ITGA1: variants seen among roughly 807,000 people sequenced by gnomAD.
ITGA1 encodes the protein integrin alpha-1.
ITGA1 carries 85 observed loss-of-function variants against 145.9 expected under a neutral mutation model. The ratio of observed to expected loss-of-function variants is 0.58; its 90% CI spans 0.49 to 0.70. The LOEUF (loss-of-function observed/expected upper bound fraction) is 0.70, where lower values mean the gene tolerates loss of function less well. Among genes scored for constraint, ITGA1 ranks in the 30% least tolerant of loss-of-function variants. The pLI is 0.00. For missense variants in ITGA1, 1,351 were observed against 1,418.7 expected, an observed-to-expected ratio of 0.95 and a Z score of 0.77; for synonymous variants, 520 against 495.3, an observed-to-expected ratio of 1.05 and a Z score of -0.66.
intron 12 of ITGA1, among the ~76,000 whole-genome samples, chr5:52,907,303 G>T (rs1750425641): frequency 6.6e-6 from 1 of 152,126 alleles, no homozygotes; most frequent in Non-Finnish European, 1.5e-5. Context: ...GGAGGTAAGA[G>T]AACGTAAAAT....
intron 3 of ITGA1, 75 bp from the exon 4 acceptor site, chr5:52,864,688 T>C (rs1243860934): frequency 1.2e-5 from 10 of 837,010 alleles, no homozygotes; most frequent in South Asian, 9.6e-5. Flanking sequence ...ACAAATAGAA[T>C]GTCTTAATGA....
chr5:52,861,507 G>C lies in ITGA1; in HGVS notation c.243G>C (p.Lys81Asn). 19 of 1,613,884 alleles carry C rather than the reference G, an allele frequency of 1.2e-5. No homozygotes were observed. Among genetic ancestry groups the C allele is most frequent in the Non-Finnish European group, 1.6e-5 (19 of 1,179,840 alleles). ...AAAACAGAACTGGAGATGTCTATAA[G>C]TGTCCAGTTGGGAGAGGTGAATCAT... Reference protein sequence around the residue: ...QPKNRTGDVYKCPVGRGESLP... With the variant: ...QPKNRTGDVYNCPVGRGESLP... Residue 81 changes from lysine (K) to asparagine (N), a missense_variant, in exon 3 of 29, where the codon AAG becomes AAC. Physicochemically the swap from Lys to Asn is moderately conservative, Grantham distance 94. Transcript: ENST00000282588.
intron 10 of ITGA1, 99 bp from the exon 11 acceptor site, chr5:52,898,140 C>T (rs1750258434): frequency 1.5e-6 from 1 of 661,870 alleles, no homozygotes; most frequent in South Asian, 4.9e-5. Context: ...AAATGTAAAG[C>T]ACTTTGAACA....
At position 52,805,730 on chromosome 5, in the gene ITGA1, G is replaced by A. The variant is rs556842253; in HGVS notation, c.61+17316G>A. 4.1e-4 allele frequency among the ~76,000 whole-genome samples: 62 copies of A among 152,030 alleles called. 1 individual carries two copies. Among genetic ancestry groups the A allele is most frequent in the African/African-American group, 1.4e-3 (56 of 41,480 alleles). On this transcript the variant is annotated intron_variant, in intron 1 of 28. Coordinates refer to ENST00000282588, the MANE Select transcript of ITGA1 (RefSeq NM_181501.2). ...TTCAGGCCAATCAGTTACTGCTAGC[G>A]GACCCCATGGCCTTGTGCTCCCCAT... is the stretch of plus-strand genomic sequence containing the variant.
chr5:52,801,367 C>G, intron 1 of ITGA1: 1 of 1,515,448 alleles, frequency 6.6e-7, no homozygotes, highest in Non-Finnish European at 9.1e-7. Context: ...AATGGGTGTT[C>G]TAGGAGATTA....
At chr5:52,873,317 C>A (rs557250514) in intron 6 of ITGA1, among the ~76,000 whole-genome samples, 4 of 152,162 alleles carry the variant, frequency 2.6e-5, no homozygotes, top group African/African-American at 9.7e-5. Context: ...TAGCCCTTGC[C>A]CTTCTCCACA....
chr5:52,939,467 A>G, intron 24 of ITGA1, 123 bp from the exon 25 acceptor site: 1 of 664,246 alleles, frequency 1.5e-6, no homozygotes, highest in East Asian at 2.7e-5. Context: ...GCACACTTAC[A>G]AAGATGGATC....
At chr5:52,926,918 T>A (rs1750820082) in intron 19 of ITGA1, among the ~76,000 whole-genome samples, 1 of 152,212 alleles carries the variant, frequency 6.6e-6, no homozygotes, top group African/African-American at 2.4e-5. Context: ...ACTGCAGAGA[T>A]GCGAAGATAA....
chr5:52,810,615 A>G (rs1308360231), intron 1 of ITGA1, among the ~76,000 whole-genome samples: 1 of 152,198 alleles, frequency 6.6e-6, no homozygotes, highest in Non-Finnish European at 1.5e-5. Flanking sequence ...ATGGGATAGC[A>G]TGTGGAATGT....
chr5:52,863,937 G>T (rs1749644873), intron 3 of ITGA1: 1 of 152,206 alleles, frequency 6.6e-6, no homozygotes, highest in South Asian at 2.1e-4. Context: ...AAGTCTAACT[G>T]ACCATTCCAG....
chr5:52,922,867 C>A lies in ITGA1; in HGVS notation c.2383C>A (p.Pro795Thr). 1.9e-6 allele frequency: 3 copies of A among 1,600,146 alleles called. No individual in the cohort carries two copies. In the South Asian group the frequency reaches 3.3e-5, roughly 18 times the overall value. Residue 795 changes from proline (P) to threonine (T), a missense_variant, in exon 18 of 29, where the codon CCA becomes ACA. Physicochemically the swap from Pro to Thr is conservative, Grantham distance 38. Transcript: ENST00000282588. ...TGGGCCTGTTCTTGATGATTCTCTA[C>A]CAAACTCAGTACATGAATATGTAAG... is the stretch of plus-strand genomic sequence containing the variant. ...ENGPVLDDSL[P>T]NSVHEYIPFA...
intron 3 of ITGA1, among the ~76,000 whole-genome samples, chr5:52,863,783 C>T (rs1298487521): frequency 6.6e-6 from 1 of 152,080 alleles, no homozygotes; most frequent in Non-Finnish European, 1.5e-5. Flanking sequence ...CTAATTGTCC[C>T]AGGAATGCTT....
intron 1 of ITGA1, chr5:52,801,671 TGAGGCTG>T: frequency 6.2e-7 from 1 of 1,613,312 alleles, no homozygotes; most frequent in Non-Finnish European, 8.5e-7. Context: ...AGCCGGTATG[TGAGGCTG>T]GTGGACAGTG....
rs796538065 is a variant in ITGA1, at chr5:52,909,768, G to GTT, written c.1600-381_1600-380dup. ...ACCTTTGCTAGTACTTTCTGTCTGGGTTTTTTTTTTTTTTCCTTCCACTCT... is the reference window on the plus strand; with the variant it reads ...ACCTTTGCTAGTACTTTCTGTCTGGGTTTTTTTTTTTTTTTTCCTTCCACTCT... On this transcript the variant is annotated intron_variant, in intron 13 of 28. Transcript: ENST00000282588. 7.1e-3 allele frequency among the ~76,000 whole-genome samples: 1,002 copies of GTT among 141,392 alleles called. 10 individuals carry two copies. Among genetic ancestry groups the GTT allele is most frequent in the African/African-American group, 0.025 (971 of 38,302 alleles). 92.8% of individuals were successfully genotyped at this position (141,392 alleles called of 152,430 possible).
intron 1 of ITGA1, among the ~76,000 whole-genome samples, chr5:52,828,140 T>C (rs1748999240): frequency 6.6e-6 from 1 of 152,216 alleles, no homozygotes; most frequent in South Asian, 2.1e-4. Context: ...TGAACATATG[T>C]TTTCAATTCT....
At chr5:52,825,131 C>A (rs2023624806) in intron 1 of ITGA1, 1 of 152,192 alleles carries the variant, frequency 6.6e-6, no homozygotes, top group Non-Finnish European at 1.5e-5. Flanking sequence ...CTCCTGGGAA[C>A]TACAGATCTG....
chr5:52,918,986 TC>T, intron 16 of ITGA1, 88 bp downstream of exon 16: 1 of 1,133,854 alleles, frequency 8.8e-7, no homozygotes, highest in Non-Finnish European at 1.2e-6. Flanking sequence ...TATTGTATTT[TC>T]CCCACATGGT....
intron 23 of ITGA1, among the ~76,000 whole-genome samples, chr5:52,935,654 T>C (rs10075277): frequency 0.27 from 40,680 of 152,058 alleles, 6,121 homozygotes; most frequent in African/African-American, 0.39. Flanking sequence ...TAGCACAGCA[T>C]GTGGCACATA....
chr5:52,856,157 T>C (rs1267681017), intron 2 of ITGA1, among the ~76,000 whole-genome samples: 1 of 152,172 alleles, frequency 6.6e-6, no homozygotes, highest in Non-Finnish European at 1.5e-5. Context: ...AAGCTCTCTG[T>C]TCCTGTCTAT....
Sources: allele counts gnomAD v4.1 joint callset (sites outside exome capture counted in the v4.1 genomes callset), GRCh38; gene constraint gnomAD v4.1.1; transcripts MANE v1.5; gene names NCBI Gene and HGNC (gene_info 2026-07-23, HGNC 2026-07-21).